Variants in PDSS2 observed in about 807,000 individuals in gnomAD.
The protein encoded by PDSS2 is decaprenyl diphosphate synthase subunit 2, also known as all trans-polyprenyl-diphosphate synthase PDSS2.
Under a neutral mutation model 44.5 loss-of-function variants are expected in PDSS2, and 31 were observed. That is an observed-to-expected ratio of 0.70 (90% confidence interval 0.52 to 0.94). PDSS2 has a LOEUF of 0.94. Ranked by LOEUF, PDSS2 falls within the 40% of genes least tolerant of loss-of-function variation. The pLI is 0.00. For missense variants in PDSS2, 452 were observed against 482.2 expected (o/e 0.94, Z 0.59); for synonymous variants, 157 against 180.3 (o/e 0.87, Z 1.03).
At chr6:107,281,758 T>A (rs750131991) in intron 2 of PDSS2, among the ~76,000 whole-genome samples, 8 of 152,342 alleles carry the variant, frequency 5.3e-5, no homozygotes, top group Middle Eastern at 3.4e-3. Flanking sequence ...CTCAGTCTTG[T>A]ATTGACTTGA....
chr6:107,414,149 C>T (rs545294416), intron 1 of PDSS2, among the ~76,000 whole-genome samples: 1 of 152,338 alleles, frequency 6.6e-6, no homozygotes, highest in Non-Finnish European at 1.5e-5. Context: ...AATTATGTGG[C>T]TGGAAGCCAA....
chr6:107,455,754 C>CAAAAAA (rs60783838), intron 1 of PDSS2, among the ~76,000 whole-genome samples: 13 of 55,686 alleles, frequency 2.3e-4, no homozygotes, highest in African/African-American at 8.9e-4. Flanking sequence ...GACTCTGTCT[C>CAAAAAA]AAAAAAAAAA....
chr6:107,386,313 G>A (rs1287150200), intron 1 of PDSS2, among the ~76,000 whole-genome samples: 2 of 150,450 alleles, frequency 1.3e-5, no homozygotes, highest in Admixed American at 6.6e-5. Flanking sequence ...TTCAAACTTT[G>A]TGATATTAAA....
chr6:107,200,404 A>G (rs1471262955), intron 6 of PDSS2, among the ~76,000 whole-genome samples: 1 of 152,182 alleles, frequency 6.6e-6, no homozygotes, highest in Non-Finnish European at 1.5e-5. Flanking sequence ...GGCTGGATGT[A>G]TTGGAATCAC....
At chr6:107,394,788 C>A (rs1391664509) in intron 1 of PDSS2, among the ~76,000 whole-genome samples, 1 of 152,156 alleles carries the variant, frequency 6.6e-6, no homozygotes, top group Non-Finnish European at 1.5e-5. Flanking sequence ...ATATGTCCCA[C>A]AATATATTGC....
chr6:107,285,874 T>C (rs1260460224), intron 2 of PDSS2, among the ~76,000 whole-genome samples: 1 of 152,182 alleles, frequency 6.6e-6, no homozygotes, highest in Non-Finnish European at 1.5e-5. Context: ...GCGCACTGGC[T>C]CATGCCTGTA....
intron 2 of PDSS2, among the ~76,000 whole-genome samples, chr6:107,300,699 C>A (rs1015714061): frequency 3.9e-5 from 6 of 152,168 alleles, no homozygotes; most frequent in Admixed American, 2.0e-4. Flanking sequence ...GGTCACTTCC[C>A]GTTGTATGGG....
chr6:107,155,581 CTTTTTTT>C (rs398066143), intron 7 of PDSS2, among the ~76,000 whole-genome samples: 1 of 136,678 alleles, frequency 7.3e-6, no homozygotes, highest in Admixed American at 7.4e-5. Flanking sequence ...CTGAATGTTA[CTTTTTTT>C]TTTTTTTTTT....
intron 1 of PDSS2, among the ~76,000 whole-genome samples, chr6:107,362,196 G>C (rs925239855): frequency 1.3e-5 from 2 of 152,168 alleles, no homozygotes; most frequent in African/African-American, 4.8e-5. Flanking sequence ...ACAGAGACCA[G>C]AGAGGGCCCA....
chr6:107,440,394 T>A (rs528877534), intron 1 of PDSS2, among the ~76,000 whole-genome samples: 1 of 152,316 alleles, frequency 6.6e-6, no homozygotes, highest in Admixed American at 6.5e-5. Flanking sequence ...TAACATGTAC[T>A]CTTTGCATCT....
At chr6:107,360,871 G>T (rs1778750749) in intron 1 of PDSS2, among the ~76,000 whole-genome samples, 1 of 152,100 alleles carries the variant, frequency 6.6e-6, no homozygotes, top group African/African-American at 2.4e-5. Flanking sequence ...TTTACATACT[G>T]GGCAGTATTT....
chr6:107,230,604 C>G (rs1330161441), intron 4 of PDSS2, among the ~76,000 whole-genome samples: 2 of 152,068 alleles, frequency 1.3e-5, no homozygotes, highest in East Asian at 3.9e-4. Context: ...CACTGCACAT[C>G]TCTAGGTTGG....
intron 3 of PDSS2, among the ~76,000 whole-genome samples, chr6:107,269,113 G>T (rs1483247038): frequency 6.6e-6 from 1 of 151,466 alleles, no homozygotes; most frequent in Non-Finnish European, 1.5e-5. Context: ...ATAATTTCAG[G>T]GTTTCATCAT....
chr6:107,441,193 A>G lies in PDSS2; in HGVS notation c.296+17797T>C, dbSNP rs77244754. ...ACATCAGCACTCAAAGCAGCAAGAT[A>G]AAAGAAGGGAGAATGAAGGGTAGAC... On this transcript the variant is annotated intron_variant, in intron 1 of 7. Transcript: ENST00000369037. Among the ~76,000 whole-genome samples, 1,403 of 152,316 alleles carry G rather than the reference A, an allele frequency of 9.2e-3. 50 individuals carry two copies. The East Asian group carries it at 0.12, about 13-fold the overall frequency.
At chr6:107,439,204 A>T (rs1781443420) in intron 1 of PDSS2, among the ~76,000 whole-genome samples, 1 of 152,230 alleles carries the variant, frequency 6.6e-6, no homozygotes, top group Non-Finnish European at 1.5e-5. Context: ...AAAAGCTGCA[A>T]TGAATACAGG....
At chr6:107,218,826 G>A (rs1014137432) in intron 4 of PDSS2, among the ~76,000 whole-genome samples, 3 of 152,306 alleles carry the variant, frequency 2.0e-5, no homozygotes, top group African/African-American at 7.2e-5. Flanking sequence ...GGGAGGCCAA[G>A]GCGGCCGGAT....
intron 1 of PDSS2, among the ~76,000 whole-genome samples, chr6:107,449,592 A>C (rs1170477019): frequency 6.6e-6 from 1 of 152,156 alleles, no homozygotes; most frequent in African/African-American, 2.4e-5. Flanking sequence ...AATGTCCTCC[A>C]TATTTCACTC....
intron 1 of PDSS2, among the ~76,000 whole-genome samples, chr6:107,346,049 G>A (rs1244778023): frequency 1.3e-5 from 2 of 152,224 alleles, no homozygotes; most frequent in East Asian, 3.9e-4. Context: ...CTAGCAAAGA[G>A]GATTACTATA....
intron 1 of PDSS2, among the ~76,000 whole-genome samples, chr6:107,354,964 CTG>C (rs1229285453): frequency 1.3e-5 from 2 of 151,774 alleles, no homozygotes; most frequent in African/African-American, 4.8e-5. Flanking sequence ...CAGTTCCACT[CTG>C]TCACCAGGCT....
Sources: gnomAD v4.1 joint callset for allele counts (sites outside exome capture counted in the v4.1 genomes callset) on GRCh38, gnomAD v4.1.1 for gene constraint, MANE v1.5 for transcripts, NCBI Gene and HGNC (gene_info 2026-07-23, HGNC 2026-07-21) for gene names.